AGPAT3: variants seen among roughly 807,000 people sequenced by gnomAD.
AGPAT3 encodes 1-acylglycerol-3-phosphate O-acyltransferase 3.
AGPAT3 carries 5 observed loss-of-function variants against 47.3 expected under a neutral mutation model. That is an observed-to-expected ratio of 0.11 (90% CI 0.06 to 0.22). The LOEUF (loss-of-function observed/expected upper bound fraction) is 0.22, where lower values mean the gene tolerates loss of function less well. AGPAT3 is among the 10% of genes least tolerant of loss of function. The pLI is 1.00. For synonymous variants in AGPAT3, 212 were observed against 208.3 expected (o/e 1.02, Z -0.15); for missense variants, 315 against 493.0 (o/e 0.64, Z 3.42).
intron 2 of AGPAT3, among the ~76,000 whole-genome samples, chr21:43,926,886 G>A (rs1347332859): frequency 2.0e-5 from 3 of 150,674 alleles, no homozygotes; most frequent in African/African-American, 4.9e-5. Flanking sequence ...GCTTGAACCC[G>A]GAGAATTGCT....
At chr21:43,897,115 T>G (rs1190218270) in intron 1 of AGPAT3, among the ~76,000 whole-genome samples, 2 of 152,004 alleles carry the variant, frequency 1.3e-5, no homozygotes, top group East Asian at 3.9e-4. Flanking sequence ...CCTTCCGCAG[T>G]GTTTGTGTCC....
At chr21:43,968,671 G>A (rs1057459684) in intron 4 of AGPAT3, among the ~76,000 whole-genome samples, 5 of 152,062 alleles carry the variant, frequency 3.3e-5, no homozygotes, top group African/African-American at 1.2e-4. Context: ...AGCTGTCCCC[G>A]AGCTGTGCCC....
At chr21:43,947,502 A>G (rs2087951598) in intron 2 of AGPAT3, among the ~76,000 whole-genome samples, 1 of 152,068 alleles carries the variant, frequency 6.6e-6, no homozygotes. Flanking sequence ...TCTCCTCTTC[A>G]CTGAGTCCAA....
intron 2 of AGPAT3, among the ~76,000 whole-genome samples, chr21:43,947,391 A>G (rs7276062): frequency 0.028 from 4,298 of 152,276 alleles, 200 homozygotes; most frequent in African/African-American, 0.097. Flanking sequence ...TGGGTCTCAT[A>G]AGAGAGGCCG....
chr21:43,879,180 T>C (rs1271812295), intron 1 of AGPAT3, among the ~76,000 whole-genome samples: 1 of 151,908 alleles, frequency 6.6e-6, no homozygotes, highest in East Asian at 1.9e-4. Context: ...CAAAACCCTG[T>C]CTCTACTAAA....
intron 1 of AGPAT3, among the ~76,000 whole-genome samples, chr21:43,889,569 G>A (rs973432011): frequency 5.3e-5 from 8 of 152,056 alleles, no homozygotes; most frequent in African/African-American, 1.9e-4. Context: ...TCCGGACTTC[G>A]GCAATAAAAT....
At chr21:43,865,859 G>T (rs2123474562) in intron 1 of AGPAT3, among the ~76,000 whole-genome samples, 1 of 151,972 alleles carries the variant, frequency 6.6e-6, no homozygotes, top group East Asian at 1.9e-4. Flanking sequence ...CCTCCTCCTC[G>T]CGCGCCCAGG....
chr21:43,954,506 G>A lies in AGPAT3; in HGVS notation c.-48-5128G>A, dbSNP rs1246854504. The A allele has an allele frequency of 6.6e-6, 1 of 152,314 alleles. No homozygotes were observed. The highest frequency in any genetic ancestry group is 6.5e-5 in the Admixed American group (1 of 15,288). 9.4% of individuals were successfully genotyped at this position (152,314 alleles called of 1,614,324 possible). On this transcript the variant is annotated intron_variant, in intron 2 of 9. Transcript: ENST00000291572. This position sits in a 1 kb window ranked among gnomAD's most constrained non-coding sequence, Gnocchi z 4.0. Reference sequence around the variant, plus strand: ...GCAGATGTTTCTTGGAATGGAGTCTGGTCCATAGTAAGTGATGAAGATGTG... The same window carrying A: ...GCAGATGTTTCTTGGAATGGAGTCTAGTCCATAGTAAGTGATGAAGATGTG...
chr21:43,973,680 C>T (rs1256116091), intron 7 of AGPAT3, among the ~76,000 whole-genome samples: 4 of 152,352 alleles, frequency 2.6e-5, no homozygotes, highest in South Asian at 2.1e-4. Flanking sequence ...GGTCACTCAC[C>T]GCTTCGCTGT....
chr21:43,868,603 A>G (rs2085559150), intron 1 of AGPAT3, among the ~76,000 whole-genome samples: 1 of 152,200 alleles, frequency 6.6e-6, no homozygotes, highest in South Asian at 2.1e-4. Context: ...CAAGCTGTAC[A>G]AGGAAATACC....
intron 2 of AGPAT3, among the ~76,000 whole-genome samples, chr21:43,912,616 G>A (rs942285352): frequency 2.0e-5 from 3 of 152,218 alleles, no homozygotes; most frequent in Admixed American, 6.5e-5. Context: ...TCAGTGGTGC[G>A]TGGCCATGGA....
chr21:43,878,155 A>G (rs1292921993), intron 1 of AGPAT3, among the ~76,000 whole-genome samples: 1 of 150,326 alleles, frequency 6.7e-6, no homozygotes, highest in Non-Finnish European at 1.5e-5. Context: ...CCCCGACCTC[A>G]CGCTCTGCAC....
At chr21:43,951,860 G>A (rs778710992) in intron 2 of AGPAT3, among the ~76,000 whole-genome samples, 15 of 152,198 alleles carry the variant, frequency 9.9e-5, no homozygotes, top group Non-Finnish European at 1.8e-4. Flanking sequence ...TGGTGGGCTC[G>A]GAACTGTAGT....
At chr21:43,907,429 T>C (rs544982656) in intron 2 of AGPAT3, among the ~76,000 whole-genome samples, 13 of 152,260 alleles carry the variant, frequency 8.5e-5, no homozygotes, top group African/African-American at 2.2e-4. Flanking sequence ...CCCATAAAAC[T>C]GTGCCATACC....
At position 43,982,153 on chromosome 21, in the gene AGPAT3, G is replaced by A; in HGVS notation, c.1043-151G>A. 1.6e-6 allele frequency: 1 copy of A among 642,542 alleles called. No individual in the cohort carries two copies. Among genetic ancestry groups the A allele is most frequent in the South Asian group, 1.8e-5 (1 of 55,680 alleles). The allele number at this position is 642,542 out of a possible 1,614,324, so 39.8% of individuals were successfully genotyped here. Reference sequence around the variant, plus strand: ...GGTCTGAGAGGGCTGTCTCCCCGCGGGCCACACCTACTCACTGACAGCAGA... The same window carrying A: ...GGTCTGAGAGGGCTGTCTCCCCGCGAGCCACACCTACTCACTGACAGCAGA... On this transcript the variant is annotated intron_variant, in intron 9 of 9. Coordinates refer to ENST00000291572, the MANE Select transcript of AGPAT3 (RefSeq NM_020132.5). The surrounding 1 kb of genome is among the most constrained non-coding windows in gnomAD (Gnocchi z 6.2).
At chr21:43,910,348 G>A (rs1243500671) in intron 2 of AGPAT3, among the ~76,000 whole-genome samples, 1 of 152,206 alleles carries the variant, frequency 6.6e-6, no homozygotes, top group Non-Finnish European at 1.5e-5. Flanking sequence ...CAGCGGCTGT[G>A]GCCGCGCGTA....
intron 2 of AGPAT3, among the ~76,000 whole-genome samples, chr21:43,913,030 C>T (rs1356809776): frequency 6.6e-6 from 1 of 152,214 alleles, no homozygotes; most frequent in African/African-American, 2.4e-5. Flanking sequence ...GTACTGGCCC[C>T]TGCTTTACTG....
rs1162890983 is a variant in AGPAT3 at position 43,981,596 on chromosome 21, A to G, written c.1042+409A>G. On this transcript the variant is annotated intron_variant, in intron 9 of 9. Transcript: ENST00000291572. This position sits in a 1 kb window ranked among gnomAD's most constrained non-coding sequence, Gnocchi z 5.3. Reference sequence around the variant, plus strand: ...CCCATTGACCCCCAGTGACTTCCCCACTGTGTGCCCACCCCAGGCACAATG... The same window carrying G: ...CCCATTGACCCCCAGTGACTTCCCCGCTGTGTGCCCACCCCAGGCACAATG... Among the ~76,000 whole-genome samples, 1 of 151,818 alleles carries G rather than the reference A, an allele frequency of 6.6e-6. No individual in the cohort carries two copies. Among genetic ancestry groups the G allele is most frequent in the African/African-American group, 2.4e-5 (1 of 41,292 alleles).
In AGPAT3 at chr21:43,869,668, G is replaced by A. The variant is rs540197783; in HGVS notation, c.-112+4323G>A. On this transcript the variant is annotated intron_variant, in intron 1 of 9. Transcript: ENST00000291572. Reference sequence around the variant, plus strand: ...GGAGGAGCCTCAGACCCAGCCCTGAGTTAGGCACAGCCAGCCCAGTGCCAA... The same window carrying A: ...GGAGGAGCCTCAGACCCAGCCCTGAATTAGGCACAGCCAGCCCAGTGCCAA... Among the ~76,000 whole-genome samples, 6 of 152,294 alleles carry A rather than the reference G, an allele frequency of 3.9e-5. No homozygotes were observed. The South Asian group carries it at 1.2e-3, about 32-fold the overall frequency.
Sources: allele counts gnomAD v4.1 joint callset (sites outside exome capture counted in the v4.1 genomes callset), GRCh38; gene constraint gnomAD v4.1.1; non-coding constraint Gnocchi (gnomAD v3.1); transcripts MANE v1.5; gene names NCBI Gene and HGNC (gene_info 2026-07-23, HGNC 2026-07-21).